Variants in MARCHF1 observed in about 807,000 individuals in gnomAD.
MARCHF1 encodes membrane associated ring-CH-type finger 1, also known as E3 ubiquitin-protein ligase MARCHF1.
In MARCHF1, 40 loss-of-function variants were observed where a neutral mutation model predicts 54.2. That is an observed-to-expected ratio of 0.74 (90% CI 0.57 to 0.96). The LOEUF is 0.96. Among genes scored for constraint, MARCHF1 ranks in the 40% least tolerant of loss-of-function variants. The pLI, the probability that MARCHF1 is intolerant of heterozygous loss-of-function variation, is 0.00. For missense variants in MARCHF1, 586 were observed against 656.5 expected, an observed-to-expected ratio of 0.89 and a Z score of 1.17; for synonymous variants, 236 against 236.3, an observed-to-expected ratio of 1.00 and a Z score of 0.01.
intron 5 of MARCHF1, among the ~76,000 whole-genome samples, chr4:163,620,628 G>C (rs1416152121): frequency 2.4e-4 from 34 of 139,946 alleles, no homozygotes; most frequent in African/African-American, 7.8e-4. Flanking sequence ...GAGAGAGAGA[G>C]AGAGAGAGAG....
intron 1 of MARCHF1, among the ~76,000 whole-genome samples, chr4:164,141,834 G>A (rs1350071248): frequency 6.6e-6 from 1 of 152,204 alleles, no homozygotes; most frequent in Non-Finnish European, 1.5e-5. Context: ...TGGCCGAATA[G>A]GAACAGCTCC....
chr4:163,932,550 A>C, intron 3 of MARCHF1: 1 of 359,048 alleles, frequency 2.8e-6, no homozygotes, highest in Non-Finnish European at 5.5e-6. Context: ...GCTGATCCAG[A>C]AGGCTAAGCT....
chr4:163,960,852 C>A (rs2110810516), intron 3 of MARCHF1, among the ~76,000 whole-genome samples: 1 of 149,622 alleles, frequency 6.7e-6, no homozygotes, highest in East Asian at 2.0e-4. Flanking sequence ...TTAAATAACA[C>A]AAATTTATTT....
At chr4:164,194,450 C>T (rs7668808) in intron 1 of MARCHF1, among the ~76,000 whole-genome samples, 23,460 of 152,066 alleles carry the variant, frequency 0.15, 2,507 homozygotes, top group African/African-American at 0.28. Flanking sequence ...TTCACATTTC[C>T]TACCATCGTA....
intron 5 of MARCHF1, among the ~76,000 whole-genome samples, chr4:163,693,536 A>T (rs1045786960): frequency 6.6e-6 from 1 of 151,438 alleles, no homozygotes; most frequent in African/African-American, 2.4e-5. Context: ...AGGTACCATG[A>T]TAAATAAAAA....
intron 2 of MARCHF1, among the ~76,000 whole-genome samples, chr4:164,111,367 C>G (rs146807693): frequency 1.3e-5 from 2 of 151,618 alleles, no homozygotes; most frequent in African/African-American, 2.4e-5. Flanking sequence ...AAATATTGCC[C>G]AGTAGATACA....
At chr4:164,098,503 G>A (rs1755463970) in intron 2 of MARCHF1, among the ~76,000 whole-genome samples, 1 of 152,132 alleles carries the variant, frequency 6.6e-6, no homozygotes, top group South Asian at 2.1e-4. Flanking sequence ...TGAGTTCATG[G>A]TGTACTTCAG....
chr4:163,992,061 C>CAAAAAAAA (rs544389591), intron 2 of MARCHF1, among the ~76,000 whole-genome samples: 2 of 52,858 alleles, frequency 3.8e-5, no homozygotes, highest in African/African-American at 1.3e-4. Context: ...TTGTCAGCTG[C>CAAAAAAAA]AAAAAAAAAA....
intron 4 of MARCHF1, among the ~76,000 whole-genome samples, chr4:163,842,164 T>C (rs1749359407): frequency 6.6e-6 from 1 of 152,112 alleles, no homozygotes; most frequent in African/African-American, 2.4e-5. Flanking sequence ...TCCAGAAATG[T>C]AGTGGATAAT....
chr4:164,076,411 ATGAC>A (rs1441908430), intron 2 of MARCHF1, among the ~76,000 whole-genome samples: 1 of 152,198 alleles, frequency 6.6e-6, no homozygotes, highest in Non-Finnish European at 1.5e-5. Flanking sequence ...AGAGCTATTT[ATGAC>A]AAAGCCACAG....
chr4:164,352,598 G>A (rs947984297), intron 1 of MARCHF1, among the ~76,000 whole-genome samples: 2 of 149,314 alleles, frequency 1.3e-5, no homozygotes, highest in African/African-American at 2.4e-5. Flanking sequence ...CCCTAAAAGA[G>A]TTCCTGAAGG....
intron 5 of MARCHF1, among the ~76,000 whole-genome samples, chr4:163,625,065 A>G (rs1741822707): frequency 6.6e-6 from 1 of 152,210 alleles, no homozygotes; most frequent in Non-Finnish European, 1.5e-5. Flanking sequence ...TATTAACTTC[A>G]GCAATTCTTT....
At chr4:163,824,601 C>T (rs1282561831) in intron 4 of MARCHF1, among the ~76,000 whole-genome samples, 9 of 90,910 alleles carry the variant, frequency 9.9e-5, no homozygotes, top group African/African-American at 3.1e-4. Context: ...ATGTCTAAAA[C>T]ACCAAAAGCA....
At chr4:163,912,043 A>C (rs994224745) in intron 3 of MARCHF1, among the ~76,000 whole-genome samples, 25 of 146,232 alleles carry the variant, frequency 1.7e-4, no homozygotes, top group African/African-American at 6.3e-4. Context: ...GACCAGTGTT[A>C]TTAAGTCATC....
At chr4:163,928,474 A>G (rs1751586232) in intron 3 of MARCHF1, among the ~76,000 whole-genome samples, 1 of 151,900 alleles carries the variant, frequency 6.6e-6, no homozygotes, top group African/African-American at 2.4e-5. Flanking sequence ...TTATAACTCT[A>G]GGGTAGTTGG....
intron 3 of MARCHF1, among the ~76,000 whole-genome samples, chr4:163,958,537 G>A (rs1213133533): frequency 6.6e-6 from 1 of 151,948 alleles, no homozygotes; most frequent in African/African-American, 2.4e-5. Flanking sequence ...AATGTAAGAT[G>A]TTGACTATTT....
intron 1 of MARCHF1, among the ~76,000 whole-genome samples, chr4:164,333,987 C>T (rs560826204): frequency 5.9e-5 from 9 of 152,156 alleles, no homozygotes; most frequent in African/African-American, 2.2e-4. Flanking sequence ...CAGAGAATGG[C>T]CCTGATTCTC....
intron 5 of MARCHF1, among the ~76,000 whole-genome samples, chr4:163,692,188 A>G (rs1646883024): frequency 6.6e-6 from 1 of 152,194 alleles, no homozygotes. Flanking sequence ...AATTCAACAT[A>G]TATTTGTTGA....
intron 5 of MARCHF1, among the ~76,000 whole-genome samples, chr4:163,669,427 C>T (rs1345987927): frequency 2.0e-5 from 3 of 152,068 alleles, no homozygotes. Flanking sequence ...CCACTACTTC[C>T]TGCTAACACT....
Sources: allele counts gnomAD v4.1 joint callset (sites outside exome capture counted in the v4.1 genomes callset), GRCh38; gene constraint gnomAD v4.1.1; transcripts MANE v1.5; gene names NCBI Gene and HGNC (gene_info 2026-07-23, HGNC 2026-07-21).